The following TAF1B variants were observed in gnomAD, a reference collection of about 807,000 sequenced individuals.
The protein encoded by TAF1B is TATA-box binding protein associated factor, RNA polymerase I subunit B.
TAF1B carries 61 observed loss-of-function variants against 83.9 expected under a neutral mutation model. The ratio of observed to expected loss-of-function variants is 0.73; its 90% CI spans 0.59 to 0.90. The LOEUF is 0.90. Ranked by LOEUF, TAF1B falls within the 40% of genes least tolerant of loss-of-function variation. TAF1B has a pLI of 0.00. For synonymous variants in TAF1B, 221 were observed against 224.6 expected (o/e 0.98, Z 0.14); for missense variants, 625 against 677.0 (o/e 0.92, Z 0.85).
chr2:9,908,448 C>T (rs1665418327), intron 9 of TAF1B, among the ~76,000 whole-genome samples: 1 of 152,172 alleles, frequency 6.6e-6, no homozygotes, highest in Non-Finnish European at 1.5e-5. Flanking sequence ...TGAGAAGAGA[C>T]TGTAGCTTCT....
chr2:9,884,578 C>G (rs1161132047), intron 8 of TAF1B, among the ~76,000 whole-genome samples: 1 of 152,242 alleles, frequency 6.6e-6, no homozygotes, highest in African/African-American at 2.4e-5. Flanking sequence ...GAGCGTTCAG[C>G]TCCTAGCAGA....
At chr2:9,856,720 C>G (rs922605478) in intron 5 of TAF1B, among the ~76,000 whole-genome samples, 3 of 151,908 alleles carry the variant, frequency 2.0e-5, no homozygotes, top group African/African-American at 7.3e-5. Flanking sequence ...AAAGGTTTTT[C>G]TAGAGTTGAG....
intron 4 of TAF1B, among the ~76,000 whole-genome samples, chr2:9,853,149 G>T (rs934751248): frequency 6.6e-6 from 1 of 152,180 alleles, no homozygotes; most frequent in African/African-American, 2.4e-5. Context: ...CTGTAGCAGG[G>T]TTTGTTCCTA....
intron 8 of TAF1B, among the ~76,000 whole-genome samples, chr2:9,885,262 T>A (rs1181513094): frequency 6.6e-6 from 1 of 152,200 alleles, no homozygotes; most frequent in Non-Finnish European, 1.5e-5. Flanking sequence ...TATGTAAAAT[T>A]GGGATATCAG....
intron 8 of TAF1B, among the ~76,000 whole-genome samples, chr2:9,888,642 A>G (rs1420929204): frequency 6.6e-6 from 1 of 151,738 alleles, no homozygotes; most frequent in Non-Finnish European, 1.5e-5. Context: ...TCTGATGTCA[A>G]TCTGCTATAA....
chr2:9,923,691 A>T (rs1665950085), intron 14 of TAF1B, among the ~76,000 whole-genome samples: 1 of 152,048 alleles, frequency 6.6e-6, no homozygotes, highest in African/African-American at 2.4e-5. Flanking sequence ...AAAAAAAAAA[A>T]ATTGATTTAA....
At chr2:9,920,526 C>G (rs1213194662) in intron 14 of TAF1B, among the ~76,000 whole-genome samples, 1 of 143,944 alleles carries the variant, frequency 6.9e-6, no homozygotes, top group Non-Finnish European at 1.5e-5. Context: ...AAAACAAGTG[C>G]CGTGTCCTCC....
chr2:9,931,623 G>A (rs1666214850), intron 14 of TAF1B, among the ~76,000 whole-genome samples: 1 of 152,084 alleles, frequency 6.6e-6, no homozygotes, highest in African/African-American at 2.4e-5. Flanking sequence ...TTCAACCTTG[G>A]TGAATCTGAC....
chr2:9,929,251 C>T (rs1159345242), intron 14 of TAF1B, among the ~76,000 whole-genome samples: 3 of 152,082 alleles, frequency 2.0e-5, no homozygotes, highest in Admixed American at 6.5e-5. Flanking sequence ...CTCCGCCTCC[C>T]GGGTTCACGC....
At chr2:9,911,225 G>A (rs1408423553) in intron 10 of TAF1B, among the ~76,000 whole-genome samples, 2 of 152,106 alleles carry the variant, frequency 1.3e-5, no homozygotes, top group Non-Finnish European at 2.9e-5. Context: ...TAGTTTTAAA[G>A]TATCTTCATA....
chr2:9,848,152 C>T (rs1018894222), intron 2 of TAF1B, among the ~76,000 whole-genome samples: 7 of 151,942 alleles, frequency 4.6e-5, no homozygotes, highest in Non-Finnish European at 1.0e-4. Flanking sequence ...TTTATTTTGA[C>T]GTGTCTTATG....
chr2:9,866,302 A>C (rs1663973630), intron 5 of TAF1B, among the ~76,000 whole-genome samples: 1 of 152,256 alleles, frequency 6.6e-6, no homozygotes, highest in South Asian at 2.1e-4. Flanking sequence ...TCTCAAAAGA[A>C]GACATTTATG....
chr2:9,858,405 G>A (rs1215570041), intron 5 of TAF1B, among the ~76,000 whole-genome samples: 1 of 152,212 alleles, frequency 6.6e-6, no homozygotes, highest in African/African-American at 2.4e-5. Flanking sequence ...GGCCAGAGTT[G>A]AGTGTCTGGC....
chr2:9,922,545 C>T (rs975647457), intron 14 of TAF1B, among the ~76,000 whole-genome samples: 15 of 152,160 alleles, frequency 9.9e-5, no homozygotes, highest in African/African-American at 3.4e-4. Context: ...CCTAAAATAG[C>T]ACCAATCATT....
At chr2:9,881,347 A>T (rs1664501400) in intron 7 of TAF1B, among the ~76,000 whole-genome samples, 1 of 152,182 alleles carries the variant, frequency 6.6e-6, no homozygotes, top group Non-Finnish European at 1.5e-5. Flanking sequence ...AAAAAAAAAA[A>T]GTGTTGAATC....
In TAF1B at chr2:9,914,620, G is replaced by A. The variant is rs1303765786; in HGVS notation, c.1271+1371G>A. ...AGTTCATTATTGCAGTGTTATGTCAGTTGCACATTTAAGACTTACCGGCTT... is the reference window on the plus strand; with the variant it reads ...AGTTCATTATTGCAGTGTTATGTCAATTGCACATTTAAGACTTACCGGCTT... On this transcript the variant is annotated intron_variant, in intron 12 of 14. Coordinates refer to ENST00000263663, the MANE Select transcript of TAF1B (RefSeq NM_005680.3). The surrounding 1 kb of genome is among the most constrained non-coding windows in gnomAD (Gnocchi z 4.3). 6.6e-6 allele frequency among the ~76,000 whole-genome samples: 1 copy of A among 152,170 alleles called. No homozygotes were observed. The highest frequency in any genetic ancestry group is 1.5e-5 in the Non-Finnish European group (1 of 68,030).
At chr2:9,878,073 G>T (rs1171492693) in intron 7 of TAF1B, among the ~76,000 whole-genome samples, 3 of 152,116 alleles carry the variant, frequency 2.0e-5, no homozygotes, top group Non-Finnish European at 4.4e-5. Context: ...TCAAAATGTG[G>T]CCTCCTGACT....
intron 6 of TAF1B, among the ~76,000 whole-genome samples, chr2:9,874,459 AG>A (rs1473797488): frequency 1.3e-5 from 2 of 150,820 alleles, no homozygotes; most frequent in East Asian, 3.9e-4. Context: ...TTTTTTTTAG[AG>A]AAAGTCTCTC....
intron 3 of TAF1B, among the ~76,000 whole-genome samples, chr2:9,850,218 G>T (rs952679807): frequency 6.6e-6 from 1 of 151,994 alleles, no homozygotes; most frequent in Non-Finnish European, 1.5e-5. Context: ...ATTTTGCCTT[G>T]ACCTACTTAA....
Sources: gnomAD v4.1 joint callset for allele counts (sites outside exome capture counted in the v4.1 genomes callset) on GRCh38, gnomAD v4.1.1 for gene constraint, Gnocchi (gnomAD v3.1) non-coding constraint, MANE v1.5 for transcripts, NCBI Gene and HGNC (gene_info 2026-07-23, HGNC 2026-07-21) for gene names.